The following FERRY3 variants were observed in gnomAD, a reference collection of about 807,000 sequenced individuals.
FERRY3 encodes the protein protein C12orf4.
chr12:4,495,413 A>G, the FERRY3 span, among the ~76,000 whole-genome samples: 554 of 152,296 alleles, frequency 3.6e-3, 5 homozygotes, highest in African/African-American at 0.012. Flanking sequence ...TTCTGACAGT[A>G]ACTTTTCTTA....
chr12:4,512,218 T>C, the FERRY3 span, among the ~76,000 whole-genome samples: 531 of 141,718 alleles, frequency 3.7e-3, no homozygotes, highest in African/African-American at 0.013. Flanking sequence ...AATAGACCAA[T>C]AACAGGATCT....
chr12:4,509,477 T>G, the FERRY3 span: 1 of 150,818 alleles, frequency 6.6e-6, no homozygotes, highest in Non-Finnish European at 1.5e-5. Context: ...AGCAGCAACC[T>G]CTGCAGACTT....
chr12:4,508,860 A>G, the FERRY3 span: 1 of 152,268 alleles, frequency 6.6e-6, no homozygotes, highest in East Asian at 1.9e-4. Context: ...CTTAAAAAAT[A>G]TTTGAAATGA....
chr12:4,532,547 A>G, the FERRY3 span, among the ~76,000 whole-genome samples: 2 of 152,068 alleles, frequency 1.3e-5, no homozygotes, highest in African/African-American at 4.8e-5. Flanking sequence ...AGTTCTCCAC[A>G]CCACCTCAGC....
chr12:4,512,642 CAT>C, the FERRY3 span, among the ~76,000 whole-genome samples: 3 of 150,626 alleles, frequency 2.0e-5, no homozygotes, highest in Non-Finnish European at 4.4e-5. Context: ...ACAAAAACCA[CAT>C]GATTATCTCA....
At chr12:4,518,389 T>G in the FERRY3 span, 3 of 723,418 alleles carry the variant, frequency 4.1e-6, no homozygotes, top group East Asian at 7.6e-5. Context: ...CCTTGCAACT[T>G]CCCATTTTAA....
the FERRY3 span, among the ~76,000 whole-genome samples, chr12:4,516,066 C>A: frequency 4.0e-5 from 6 of 151,202 alleles, no homozygotes; most frequent in African/African-American, 1.2e-4. Context: ...TTAAAAGAAC[C>A]AAAAATAATT....
the FERRY3 span, among the ~76,000 whole-genome samples, chr12:4,504,967 C>T: frequency 5.3e-5 from 8 of 152,158 alleles, no homozygotes; most frequent in East Asian, 9.7e-4. Flanking sequence ...TAGCCGGGTA[C>T]GGTGGCGTGG....
the FERRY3 span, among the ~76,000 whole-genome samples, chr12:4,538,059 A>G: frequency 3.3e-5 from 5 of 152,204 alleles, no homozygotes; most frequent in Non-Finnish European, 4.4e-5. Context: ...TTGAAAAAAA[A>G]AAGAGAAGGC....
chr12:4,524,162 G>A, the FERRY3 span, among the ~76,000 whole-genome samples: 2 of 151,802 alleles, frequency 1.3e-5, no homozygotes, highest in African/African-American at 4.8e-5. Flanking sequence ...CAATGTTTCT[G>A]ACTACAATAT....
chr12:4,515,221 G>A, the FERRY3 span, among the ~76,000 whole-genome samples: 1 of 151,756 alleles, frequency 6.6e-6, no homozygotes, highest in African/African-American at 2.4e-5. Flanking sequence ...AGCTTCTGAA[G>A]AAAGATGCCA....
the FERRY3 span, among the ~76,000 whole-genome samples, chr12:4,498,517 T>A: frequency 6.6e-6 from 1 of 152,226 alleles, no homozygotes; most frequent in Non-Finnish European, 1.5e-5. Flanking sequence ...GTAAGTCTGA[T>A]GAAGCTTTCA....
chr12:4,513,943 C>G, the FERRY3 span, among the ~76,000 whole-genome samples: 1 of 151,816 alleles, frequency 6.6e-6, no homozygotes, highest in Non-Finnish European at 1.5e-5. Context: ...AAACTACCAT[C>G]AGAGTGAACA....
At chr12:4,498,855 A>G in the FERRY3 span, among the ~76,000 whole-genome samples, 2,961 of 152,266 alleles carry the variant, frequency 0.019, 109 homozygotes, top group African/African-American at 0.067. Context: ...GCAGTTCACA[A>G]TAGGGTTCAC....
At chr12:4,522,556 A>G in the FERRY3 span, among the ~76,000 whole-genome samples, 1 of 152,374 alleles carries the variant, frequency 6.6e-6, no homozygotes. Context: ...ACCCTCATAC[A>G]TTGGTGGTGG....
the FERRY3 span, among the ~76,000 whole-genome samples, chr12:4,527,955 C>T: frequency 2.0e-5 from 3 of 151,676 alleles, no homozygotes; most frequent in South Asian, 2.1e-4. Context: ...GTAATTAGCA[C>T]GTTAATTGAA....
chr12:4,506,796 A>C, the FERRY3 span, among the ~76,000 whole-genome samples: 2 of 152,182 alleles, frequency 1.3e-5, no homozygotes, highest in Non-Finnish European at 1.5e-5. Context: ...GAAGATGTTA[A>C]TATAACAACC....
At chr12:4,495,728 C>T in the FERRY3 span, among the ~76,000 whole-genome samples, 3 of 152,168 alleles carry the variant, frequency 2.0e-5, no homozygotes, top group African/African-American at 7.2e-5. Flanking sequence ...AAGGTCATCA[C>T]GTTTTCCTCA....
chr12:4,536,053 T>C, the FERRY3 span: 3 of 1,606,632 alleles, frequency 1.9e-6, no homozygotes, highest in Non-Finnish European at 2.5e-6. Context: ...TGCAGCAGCA[T>C]CAGACGTCCA....
Sources: allele counts gnomAD v4.1 joint callset (sites outside exome capture counted in the v4.1 genomes callset), GRCh38; gene constraint gnomAD v4.1.1; transcripts MANE v1.5; gene names NCBI Gene and HGNC (gene_info 2026-07-23, HGNC 2026-07-21).